The following SPN variants were observed in gnomAD, a reference collection of about 807,000 sequenced individuals.
The protein encoded by SPN is leukosialin.
SPN carries 6 observed loss-of-function variants against 8.4 expected under a neutral mutation model. That is an observed-to-expected ratio of 0.72 (90% CI 0.39 to 1.42). The LOEUF is 1.42. Ranked by LOEUF, SPN falls within the 40% of genes most tolerant of loss-of-function variation. The pLI, the probability that SPN is intolerant of heterozygous loss-of-function variation, is 0.02. For missense variants in SPN, 517 were observed against 530.6 expected, an observed-to-expected ratio of 0.97 and a Z score of 0.25; for synonymous variants, 201 against 222.6, an observed-to-expected ratio of 0.90 and a Z score of 0.86.
rs771842135 is a variant in SPN, at chr16:29,664,927, C to T, written c.1199C>T (p.Pro400Leu). ...DEPEGGDGAA[P>L] ...CCCGAAGGGGGAGACGGGGCTGCCCCTTAAGTGTCGGTGAATAGTGAGGCT... is the reference window on the plus strand; with the variant it reads ...CCCGAAGGGGGAGACGGGGCTGCCCTTTAAGTGTCGGTGAATAGTGAGGCT... Residue 400 changes from proline to leucine, a missense_variant, in exon 2 of 2, where the codon CCT becomes CTT. Transcript: ENST00000652691. The surrounding 1 kb of genome is among the most constrained non-coding windows in gnomAD (Gnocchi z 6.4). 7.2e-7 allele frequency: 1 copy of T among 1,398,554 alleles called. No homozygotes were observed. Among genetic ancestry groups the T allele is most frequent in the African/African-American group, 1.5e-5 (1 of 68,078 alleles). 86.6% of individuals were successfully genotyped at this position (1,398,554 alleles called of 1,614,324 possible). A position where few individuals can be genotyped will look rare whatever the true frequency, so the allele number is the denominator to read the frequency against.
In SPN at chr16:29,666,812, T is replaced by G; in HGVS notation, c.*1881T>G. On this transcript the variant is annotated 3_prime_UTR_variant, in exon 2 of 2. Coordinates refer to ENST00000652691, the MANE Select transcript of SPN (RefSeq NM_003123.6). Reference sequence around the variant, plus strand: ...GGGGAGAACTCAATGGTGCTGCCTTTGAGACCAGCCCAGGCTACAGCCCAG... The same window carrying G: ...GGGGAGAACTCAATGGTGCTGCCTTGGAGACCAGCCCAGGCTACAGCCCAG... 2 of 442,694 alleles carry G rather than the reference T, an allele frequency of 4.5e-6. No individual in the cohort carries two copies. The highest frequency in any genetic ancestry group is 3.4e-5 in the South Asian group (2 of 59,408). The allele number at this position is 442,694 out of a possible 1,614,324, so 27.4% of individuals were successfully genotyped here.
At position 29,664,377 on chromosome 16, in the gene SPN, G is replaced by T; in HGVS notation, c.649G>T (p.Gly217Trp). The T allele has an allele frequency of 6.2e-7, 1 of 1,613,986 alleles. No individual in the cohort carries two copies. Among genetic ancestry groups the T allele is most frequent in the Non-Finnish European group, 8.5e-7 (1 of 1,180,010 alleles). Residue 217 changes from glycine (G) to tryptophan (W), a missense_variant, in exon 2 of 2, where the codon GGG becomes TGG. Coordinates refer to ENST00000652691, the MANE Select transcript of SPN (RefSeq NM_003123.6). This position sits in a 1 kb window ranked among gnomAD's most constrained non-coding sequence, Gnocchi z 6.4. ...MTTGSLEPSSGASGPQVSSVK... is the reference protein window; with the variant it reads ...MTTGSLEPSSWASGPQVSSVK... ...AACTGGCTCTCTGGAGCCCTCCAGCGGGGCCAGTGGACCCCAGGTCTCTAG... is the reference window on the plus strand; with the variant it reads ...AACTGGCTCTCTGGAGCCCTCCAGCTGGGCCAGTGGACCCCAGGTCTCTAG...
Position 29,670,625 on chromosome 16 carries a change from A to G in SPN, c.*5694A>G, listed in dbSNP as rs1029480343. ...TTTGAAAATTATGTAATGACTTTGG[A>G]AAATACCAGCAATATAATGTTAAGT... On this transcript the variant is annotated 3_prime_UTR_variant, in exon 2 of 2. Transcript: ENST00000652691. 2.8e-6 allele frequency: 1 copy of G among 355,724 alleles called. No individual in the cohort carries two copies. Among genetic ancestry groups the G allele is most frequent in the Non-Finnish European group, 5.6e-6 (1 of 177,524 alleles). The allele number at this position is 355,724 out of a possible 1,614,324, so 22.0% of individuals were successfully genotyped here. A position where few individuals can be genotyped will look rare whatever the true frequency, so the allele number is the denominator to read the frequency against.
rs1966764324 is a variant in SPN, at chr16:29,663,754, G to T, written c.26G>T (p.Gly9Val). MATLLLLL[G>V]VLVVSPDALG... ...ATGGCCACGCTTCTCCTTCTCCTTG[G>T]GGTGCTGGTGGTAAGCCCAGACGCT... Residue 9 changes from glycine to valine, a missense_variant, in exon 2 of 2, where the codon GGG (glycine) becomes GTG (valine). Physicochemically the swap from Gly to Val is moderately radical, Grantham distance 109 (BLOSUM62 -3). Transcript: ENST00000652691. This position sits in a 1 kb window ranked among gnomAD's most constrained non-coding sequence, Gnocchi z 4.3. 1.9e-6 allele frequency: 3 copies of T among 1,590,948 alleles called. No individual in the cohort carries two copies. The highest frequency in any genetic ancestry group is 2.7e-5 in the African/African-American group (2 of 74,102).
In SPN at chr16:29,664,222, C is replaced by T. The variant is rs1272737365; in HGVS notation, c.494C>T (p.Ser165Phe). The change falls in exon 2 of 2, where the codon TCT (serine) becomes TTT (phenylalanine). Residue 165 changes from serine to phenylalanine, a missense_variant. Physicochemically the swap from Ser to Phe is radical, Grantham distance 155 (BLOSUM62 -2). Transcript: ENST00000652691. This position sits in a 1 kb window ranked among gnomAD's most constrained non-coding sequence, Gnocchi z 6.4. ...TCTCTGGAGACCTCCAGAGGCACCT[C>T]TGGACCCCCTCTTACCATGGCAACT... ...ASSLETSRGT[S>F]GPPLTMATVS... The T allele has an allele frequency of 1.2e-6, 2 of 1,613,730 alleles. No homozygotes were observed. The highest frequency in any genetic ancestry group is 2.7e-5 in the African/African-American group (2 of 74,822).
Position 29,664,791 on chromosome 16 carries a change from TCC to T in SPN, c.1065_1066del (p.Leu356GlyfsTer24). On this transcript the variant is annotated frameshift_variant, in exon 2 of 2. Transcript: ENST00000652691. LOFTEE classifies it high-confidence loss of function. The surrounding 1 kb of genome is among the most constrained non-coding windows in gnomAD (Gnocchi z 6.4). ...FFGRRKSRQG[S>X]LAMEELKSGS... ...TGGCAGACGGAAGTCTCGCCAGGGC[TCC>T]CTGGCGATGGAGGAGCTGAAGTCTG... The T allele has an allele frequency of 6.7e-7, 1 of 1,501,152 alleles. No individual in the cohort carries two copies. Among genetic ancestry groups the T allele is most frequent in the Non-Finnish European group, 8.9e-7 (1 of 1,128,102 alleles). 93.0% of individuals were successfully genotyped at this position (1,501,152 alleles called of 1,614,324 possible). A position where few individuals can be genotyped will look rare whatever the true frequency, so the allele number is the denominator to read the frequency against.
Position 29,666,737 on chromosome 16 carries a change from G to C in SPN, c.*1806G>C. ...CCAAGAGGAACCAGTGAGAGTGAGT[G>C]AAGGAGGGGCCTGGAGCCAGGGACT... is the stretch of plus-strand genomic sequence containing the variant. On this transcript the variant is annotated 3_prime_UTR_variant, in exon 2 of 2. Transcript: ENST00000652691. The C allele has an allele frequency of 4.2e-5, 16 of 380,970 alleles. 2 individuals carry two copies. The highest frequency in any genetic ancestry group is 3.1e-4 in the South Asian group (16 of 50,956). The allele number at this position is 380,970 out of a possible 1,614,324, so 23.6% of individuals were successfully genotyped here.
At position 29,666,586 on chromosome 16, in the gene SPN, G is replaced by A. The variant is rs1171382971; in HGVS notation, c.*1655G>A. On this transcript the variant is annotated 3_prime_UTR_variant, in exon 2 of 2. Coordinates refer to ENST00000652691, the MANE Select transcript of SPN (RefSeq NM_003123.6). Reference sequence around the variant, plus strand: ...CGCGCGCGCTCTCCTGCGAACAGAGGCAGGGGGAGAGGGGTTTGCCCTGGT... The same window carrying A: ...CGCGCGCGCTCTCCTGCGAACAGAGACAGGGGGAGAGGGGTTTGCCCTGGT... The A allele has an allele frequency of 3.7e-5, 9 of 244,378 alleles. No individual in the cohort carries two copies. Among genetic ancestry groups the A allele is most frequent in the African/African-American group, 1.8e-4 (8 of 44,078 alleles). 15.1% of individuals were successfully genotyped at this position (244,378 alleles called of 1,614,324 possible). A position where few individuals can be genotyped will look rare whatever the true frequency, so the allele number is the denominator to read the frequency against.
rs369665246 is a variant in SPN, at chr16:29,664,731, G to T, written c.1003G>T (p.Gly335Trp). Residue 335 changes from glycine (G) to tryptophan (W), a missense_variant, in exon 2 of 2, where the codon GGG becomes TGG. By Grantham distance (184) the Gly-to-Trp change is radical (BLOSUM62 -2). Coordinates refer to ENST00000652691, the MANE Select transcript of SPN (RefSeq NM_003123.6). This position sits in a 1 kb window ranked among gnomAD's most constrained non-coding sequence, Gnocchi z 6.4. ...GGGCTCTGGGTTCCCCGATGGGGAG[G>T]GGTCTAGCCGTCGGCCCACGCTCAC... ...DKGSGFPDGE[G>W]SSRRPTLTTF... 7.2e-5 allele frequency: 106 copies of T among 1,480,184 alleles called. No homozygotes were observed. The African/African-American group carries it at 1.2e-3, about 17-fold the overall frequency. The allele number at this position is 1,480,184 out of a possible 1,614,324, so 91.7% of individuals were successfully genotyped here.
chr16:29,664,693 C>T lies in SPN; in HGVS notation c.965C>T (p.Ser322Phe). 1 of 1,488,610 alleles carries T rather than the reference C, an allele frequency of 6.7e-7. No individual in the cohort carries two copies. Among genetic ancestry groups the T allele is most frequent in the Non-Finnish European group, 8.9e-7 (1 of 1,121,446 alleles). The allele number at this position is 1,488,610 out of a possible 1,614,324, so 92.2% of individuals were successfully genotyped here. ...EGAVTVTVGG[S>F]GGDKGSGFPD... ...GCCGTGACAGTGACCGTGGGAGGGT[C>T]CGGGGGCGACAAGGGCTCTGGGTTC... Residue 322 changes from serine to phenylalanine, a missense_variant, in exon 2 of 2, where the codon TCC (serine) becomes TTC (phenylalanine). Transcript: ENST00000652691. This position sits in a 1 kb window ranked among gnomAD's most constrained non-coding sequence, Gnocchi z 6.4.
Position 29,665,011 on chromosome 16 carries a change from T to G in SPN, c.*80T>G. On this transcript the variant is annotated 3_prime_UTR_variant, in exon 2 of 2. Transcript: ENST00000652691. ...TCCCTCTCACCATCCCACTGCCCCCTCGCTCCCATGTTTCCACCCGGCACC... is the reference window on the plus strand; with the variant it reads ...TCCCTCTCACCATCCCACTGCCCCCGCGCTCCCATGTTTCCACCCGGCACC... The G allele has an allele frequency of 7.9e-7, 1 of 1,269,648 alleles. No homozygotes were observed. Among genetic ancestry groups the G allele is most frequent in the East Asian group, 3.1e-5 (1 of 32,756 alleles). The allele number at this position is 1,269,648 out of a possible 1,614,324, so 78.6% of individuals were successfully genotyped here. A position where few individuals can be genotyped will look rare whatever the true frequency, so the allele number is the denominator to read the frequency against.
Position 29,664,539 on chromosome 16 carries a change from G to A in SPN, c.811G>A (p.Val271Met), listed in dbSNP as rs777684318. 1.5e-5 allele frequency: 24 copies of A among 1,613,760 alleles called. No individual in the cohort carries two copies. The highest frequency in any genetic ancestry group is 1.9e-5 in the Non-Finnish European group (23 of 1,179,938). The change falls in exon 2 of 2, where the codon GTG (valine) becomes ATG (methionine). Residue 271 changes from valine to methionine, a missense_variant. Transcript: ENST00000652691. The surrounding 1 kb of genome is among the most constrained non-coding windows in gnomAD (Gnocchi z 6.4). ...GGCCCTGCTGGCGGTCATAGTCCTC[G>A]TGGCTCTGCTCCTGCTGTGGCGCCG... is the stretch of plus-strand genomic sequence containing the variant. Reference protein sequence around the residue: ...LVALLAVIVLVALLLLWRRRQ... With the variant: ...LVALLAVIVLMALLLLWRRRQ...
rs1485912568 is a variant in SPN, at chr16:29,664,031, G to C, written c.303G>C (p.Lys101Asn). 1 of 1,613,998 alleles carries C rather than the reference G, an allele frequency of 6.2e-7. No homozygotes were observed. Among genetic ancestry groups the C allele is most frequent in the Admixed American group, 1.7e-5 (1 of 59,990 alleles). ...CAACCTACCAGGAAGTTTCCATCAAGATGTCATCAGTGCCCCAGGAAACCC... is the reference window on the plus strand; with the variant it reads ...CAACCTACCAGGAAGTTTCCATCAACATGTCATCAGTGCCCCAGGAAACCC... ...EPTTYQEVSI[K>N]MSSVPQETPH... Residue 101 changes from lysine (K) to asparagine (N), a missense_variant, in exon 2 of 2, where the codon AAG becomes AAC. Transcript: ENST00000652691. The surrounding 1 kb of genome is among the most constrained non-coding windows in gnomAD (Gnocchi z 6.4).
rs756145521 is a variant in SPN, at chr16:29,664,973, G to A, written c.*42G>A. 114 of 1,349,774 alleles carry A rather than the reference G, an allele frequency of 8.4e-5. No homozygotes were observed. Among genetic ancestry groups the A allele is most frequent in the Middle Eastern group, 5.4e-4 (2 of 3,690 alleles). The allele number at this position is 1,349,774 out of a possible 1,614,324, so 83.6% of individuals were successfully genotyped here. A position where few individuals can be genotyped will look rare whatever the true frequency, so the allele number is the denominator to read the frequency against. On this transcript the variant is annotated 3_prime_UTR_variant, in exon 2 of 2. Transcript: ENST00000652691. This position sits in a 1 kb window ranked among gnomAD's most constrained non-coding sequence, Gnocchi z 6.4. Reference sequence around the variant, plus strand: ...AGGCTGGAGGCCGGAATCTCAGCCAGCCTCCAGCACCTTCCCTCTCACCAT... The same window carrying A: ...AGGCTGGAGGCCGGAATCTCAGCCAACCTCCAGCACCTTCCCTCTCACCAT...
chr16:29,664,260 A>T lies in SPN; in HGVS notation c.532A>T (p.Thr178Ser), dbSNP rs1408385793. 1 of 1,613,450 alleles carries T rather than the reference A, an allele frequency of 6.2e-7. No individual in the cohort carries two copies. The highest frequency in any genetic ancestry group is 1.3e-5 in the African/African-American group (1 of 74,780). Residue 178 changes from threonine to serine, a missense_variant, in exon 2 of 2, where the codon ACT becomes TCT. Physicochemically the swap from Thr to Ser is moderately conservative, Grantham distance 58 (BLOSUM62 1). Coordinates refer to ENST00000652691, the MANE Select transcript of SPN (RefSeq NM_003123.6). This position sits in a 1 kb window ranked among gnomAD's most constrained non-coding sequence, Gnocchi z 6.4. ...TACCATGGCAACTGTCTCTCTGGAG[A>T]CTTCCAAAGGCACCTCTGGACCCCC... ...PLTMATVSLE[T>S]SKGTSGPPVT...
In SPN at chr16:29,666,502, G is replaced by GCT. The variant is rs138362780; in HGVS notation, c.*1593_*1594dup. 2.3e-3 allele frequency: 358 copies of GCT among 157,786 alleles called. No homozygotes were observed. The highest frequency in any genetic ancestry group is 3.3e-3 in the South Asian group (16 of 4,854). The allele number at this position is 157,786 out of a possible 1,614,324, so 9.8% of individuals were successfully genotyped here. On this transcript the variant is annotated 3_prime_UTR_variant, in exon 2 of 2. Transcript: ENST00000652691. ...ATTTCTGCAGTACACATGCATGTGCGCTCTCTCTCTCTCTCTCTCTCTCAC... is the reference window on the plus strand; with the variant it reads ...ATTTCTGCAGTACACATGCATGTGCGCTCTCTCTCTCTCTCTCTCTCTCTCAC...
chr16:29,664,322 T>C lies in SPN; in HGVS notation c.594T>C (p.Thr198=), dbSNP rs762593494. 16 of 1,613,180 alleles carry C rather than the reference T, an allele frequency of 9.9e-6. 1 individual carries two copies. In the Admixed American group the frequency reaches 1.2e-4, roughly 12 times the overall value. ...CAACTGACTCTCTGGAGACCTCCAC[T>C]GGGACCACTGGACCCCCTGTTACCA... is the stretch of plus-strand genomic sequence containing the variant. ...TMATDSLETS[T]GTTGPPVTMT... Residue 198 remains threonine (T), a synonymous_variant, in exon 2 of 2, where the codon ACT becomes ACC. Transcript: ENST00000652691. This position sits in a 1 kb window ranked among gnomAD's most constrained non-coding sequence, Gnocchi z 6.4.
At position 29,668,520 on chromosome 16, in the gene SPN, G is replaced by C. The variant is rs1187161279; in HGVS notation, c.*3589G>C. The stretch of plus-strand genomic sequence containing the variant: ...TCTGTCACCCAGACTAGAGGGCAGT[G>C]GTGCAATCACAGCTCACCACAGCCT... On this transcript the variant is annotated 3_prime_UTR_variant, in exon 2 of 2. Coordinates refer to ENST00000652691, the MANE Select transcript of SPN (RefSeq NM_003123.6). 1.3e-5 allele frequency: 2 copies of C among 152,382 alleles called. No homozygotes were observed. The highest frequency in any genetic ancestry group is 2.9e-5 in the Non-Finnish European group (2 of 68,040). The allele number at this position is 152,382 out of a possible 1,614,324, so 9.4% of individuals were successfully genotyped here.
In SPN at chr16:29,668,862, A is replaced by T. The variant is rs573108219; in HGVS notation, c.*3931A>T. 1 of 165,904 alleles carries T rather than the reference A, an allele frequency of 6.0e-6. No homozygotes were observed. Among genetic ancestry groups the T allele is most frequent in the South Asian group, 2.1e-4 (1 of 4,812 alleles). 10.3% of individuals were successfully genotyped at this position (165,904 alleles called of 1,614,324 possible). On this transcript the variant is annotated 3_prime_UTR_variant, in exon 2 of 2. Transcript: ENST00000652691. The stretch of plus-strand genomic sequence containing the variant: ...ACATAATTAAAAAAAAAAAACGTGG[A>T]GCAGATCCAGCGCAGTGGCTCATGC...
Sources: allele counts gnomAD v4.1 joint callset, GRCh38; gene constraint gnomAD v4.1.1; non-coding constraint Gnocchi (gnomAD v3.1); transcripts MANE v1.5; gene names NCBI Gene and HGNC (gene_info 2026-07-23, HGNC 2026-07-21).